The following FRMD4A variants were observed in gnomAD, a reference collection of about 807,000 sequenced individuals.
FRMD4A encodes FERM domain containing 4A, also known as FERM domain-containing protein 4A.
Under a neutral mutation model 129.1 loss-of-function variants are expected in FRMD4A, and 29 were observed. The ratio of observed to expected loss-of-function variants is 0.22; its 90% CI spans 0.17 to 0.31. FRMD4A has a LOEUF of 0.31. Among genes scored for constraint, FRMD4A ranks in the 10% least tolerant of loss-of-function variants. The pLI is 1.00. For synonymous variants in FRMD4A, 634 were observed against 571.6 expected (o/e 1.11, Z -1.56); for missense variants, 1,272 against 1,375.8 (o/e 0.92, Z 1.19).
chr10:14,303,002 C>T (rs991257740), intron 2 of FRMD4A, among the ~76,000 whole-genome samples: 3 of 152,134 alleles, frequency 2.0e-5, no homozygotes, highest in Non-Finnish European at 4.4e-5. Context: ...ATGGATATCT[C>T]AGGCAGGAAT....
intron 2 of FRMD4A, among the ~76,000 whole-genome samples, chr10:14,303,417 G>A (rs1022662344): frequency 2.0e-5 from 3 of 152,222 alleles, no homozygotes; most frequent in African/African-American, 7.2e-5. Context: ...GCTAGGGCCT[G>A]GCAGCACAGG....
At chr10:13,771,730 G>C (rs1371159187) in intron 6 of FRMD4A, among the ~76,000 whole-genome samples, 1 of 152,082 alleles carries the variant, frequency 6.6e-6, no homozygotes, top group Non-Finnish European at 1.5e-5. Flanking sequence ...ATCACTGCTG[G>C]GGAAGGTTAG....
chr10:14,171,183 A>G (rs748137562), intron 2 of FRMD4A, among the ~76,000 whole-genome samples: 1 of 152,140 alleles, frequency 6.6e-6, no homozygotes, highest in African/African-American at 2.4e-5. Context: ...CTTTACTCTC[A>G]TAGAAGAAAC....
chr10:14,235,190 C>T (rs112413872), intron 2 of FRMD4A, among the ~76,000 whole-genome samples: 142 of 150,856 alleles, frequency 9.4e-4, no homozygotes, highest in African/African-American at 3.2e-3. Context: ...TGCTCTGTCG[C>T]CCAGGCTGGA....
intron 2 of FRMD4A, among the ~76,000 whole-genome samples, chr10:14,185,059 T>C (rs1216884364): frequency 6.6e-6 from 1 of 152,194 alleles, no homozygotes; most frequent in African/African-American, 2.4e-5. Flanking sequence ...CTTGATACTT[T>C]TTCTTTGTTA....
intron 17 of FRMD4A, chr10:13,667,330 G>C (rs532485607): frequency 1.4e-4 from 22 of 152,438 alleles, no homozygotes; most frequent in African/African-American, 5.1e-4. Context: ...TGGTGGTGGA[G>C]GCAGTCCCCC....
At chr10:13,772,549 T>C (rs2092487397) in intron 6 of FRMD4A, among the ~76,000 whole-genome samples, 1 of 152,102 alleles carries the variant, frequency 6.6e-6, no homozygotes, top group Admixed American at 6.6e-5. Flanking sequence ...TTTAGGCCAG[T>C]TTCAGCAGTT....
chr10:13,851,085 G>A (rs191628313), intron 3 of FRMD4A, among the ~76,000 whole-genome samples: 1,652 of 152,232 alleles, frequency 0.011, 11 homozygotes, highest in Admixed American at 0.018. Flanking sequence ...ATGATGGCGG[G>A]TGCCTGTAAT....
At chr10:13,934,558 A>G (rs2131294490) in intron 2 of FRMD4A, among the ~76,000 whole-genome samples, 1 of 152,210 alleles carries the variant, frequency 6.6e-6, no homozygotes, top group East Asian at 1.9e-4. Context: ...GGGTAATCCC[A>G]CTTATATCCT....
intron 2 of FRMD4A, among the ~76,000 whole-genome samples, chr10:14,117,766 C>T (rs564956978): frequency 6.6e-6 from 1 of 152,282 alleles, no homozygotes; most frequent in East Asian, 1.9e-4. Context: ...TGCTAGGTGC[C>T]TTTCAGGCCG....
intron 21 of FRMD4A, among the ~76,000 whole-genome samples, chr10:13,658,156 A>AAG (rs1564534360): frequency 3.7e-4 from 55 of 148,862 alleles, no homozygotes; most frequent in African/African-American, 9.9e-4. Flanking sequence ...AAAAAAAAAA[A>AAG]AGAAAACACA....
chr10:14,201,826 C>T (rs941106512), intron 2 of FRMD4A, among the ~76,000 whole-genome samples: 3 of 152,130 alleles, frequency 2.0e-5, no homozygotes, highest in Non-Finnish European at 4.4e-5. Context: ...GGAAGACCTT[C>T]GTGTCTTTAA....
chr10:13,710,531 C>G (rs1432725040), intron 12 of FRMD4A: 2 of 152,278 alleles, frequency 1.3e-5, no homozygotes, highest in African/African-American at 4.8e-5. Context: ...GTCCCGGCTC[C>G]CAGGCCTATC....
intron 2 of FRMD4A, among the ~76,000 whole-genome samples, chr10:14,107,814 C>A (rs939254009): frequency 9.9e-5 from 15 of 152,078 alleles, no homozygotes; most frequent in African/African-American, 3.1e-4. Context: ...TTCTTTCATG[C>A]GGCTGGACCA....
chr10:14,062,349 C>T (rs575940508), intron 2 of FRMD4A, among the ~76,000 whole-genome samples: 25 of 152,242 alleles, frequency 1.6e-4, no homozygotes, highest in African/African-American at 2.9e-4. Flanking sequence ...CAGAGCTGCA[C>T]GGAAGGCTAT....
chr10:13,890,616 C>G, intron 2 of FRMD4A: 1 of 985,360 alleles, frequency 1.0e-6, no homozygotes, highest in East Asian at 1.1e-4. Context: ...CAGAGCAACC[C>G]CTTTCATCAC....
At chr10:13,834,934 G>A (rs755162380) in intron 3 of FRMD4A, among the ~76,000 whole-genome samples, 8 of 152,156 alleles carry the variant, frequency 5.3e-5, no homozygotes, top group Middle Eastern at 3.4e-3. Context: ...TTAGCAAATG[G>A]ACTTCCAGAC....
intron 12 of FRMD4A, among the ~76,000 whole-genome samples, chr10:13,730,262 G>T (rs1489369703): frequency 6.6e-6 from 1 of 152,168 alleles, no homozygotes; most frequent in African/African-American, 2.4e-5. Flanking sequence ...ATTTTGTCCA[G>T]ACTTACTTAT....
At chr10:13,779,265 G>A (rs530033054) in intron 6 of FRMD4A, among the ~76,000 whole-genome samples, 10 of 151,750 alleles carry the variant, frequency 6.6e-5, no homozygotes, top group South Asian at 6.2e-4. Context: ...GCAGTGAGCC[G>A]AGATTATGCC....
Sources: allele counts gnomAD v4.1 joint callset (sites outside exome capture counted in the v4.1 genomes callset), GRCh38; gene constraint gnomAD v4.1.1; transcripts MANE v1.5; gene names NCBI Gene and HGNC (gene_info 2026-07-23, HGNC 2026-07-21).